Variants in ZDHHC3 observed in about 807,000 individuals in gnomAD.
ZDHHC3 encodes the protein zDHHC palmitoyltransferase 3.
In ZDHHC3, 9 loss-of-function variants were observed where a neutral mutation model predicts 30.6. That is an observed-to-expected ratio of 0.29 (90% confidence interval 0.18 to 0.51). The LOEUF (loss-of-function observed/expected upper bound fraction) is 0.51, where lower values mean the gene tolerates loss of function less well. Ranked by LOEUF, ZDHHC3 falls within the 20% of genes least tolerant of loss-of-function variation. The pLI is 0.97. For synonymous variants in ZDHHC3, 136 were observed against 140.2 expected (o/e 0.97, Z 0.21); for missense variants, 246 against 384.2 (o/e 0.64, Z 3.01).
At chr3:44,960,548 GAC>G (rs1428129433) in intron 1 of ZDHHC3, among the ~76,000 whole-genome samples, 1 of 152,226 alleles carries the variant, frequency 6.6e-6, no homozygotes, top group Non-Finnish European at 1.5e-5. Flanking sequence ...TGTGCTGCAA[GAC>G]ACAGAAAGCA....
At chr3:44,957,371 C>A (rs1261641697) in intron 2 of ZDHHC3, among the ~76,000 whole-genome samples, 2 of 152,246 alleles carry the variant, frequency 1.3e-5, no homozygotes, top group Non-Finnish European at 2.9e-5. Context: ...AATGGGCACT[C>A]AGGAAACATG....
intron 1 of ZDHHC3, among the ~76,000 whole-genome samples, chr3:44,970,652 C>A (rs765188148): frequency 2.8e-4 from 42 of 152,144 alleles, no homozygotes; most frequent in Non-Finnish European, 4.9e-4. Context: ...TGCTAATATT[C>A]AAAAAGAAGC....
At position 44,924,468 on chromosome 3, in the gene ZDHHC3, GCAGA is replaced by G; in HGVS notation, c.*2217_*2220del. On this transcript the variant is annotated 3_prime_UTR_variant, in exon 7 of 7. Coordinates refer to ENST00000424952, the MANE Select transcript of ZDHHC3 (RefSeq NM_001135179.2). ...AGCCAAGGCCTATACAAAACCAGAGGCAGAATCCTATAGGATATCTGAAGGAACC... is the reference window on the plus strand; with the variant it reads ...AGCCAAGGCCTATACAAAACCAGAGGATCCTATAGGATATCTGAAGGAACC... 1 of 985,428 alleles carries G rather than the reference GCAGA, an allele frequency of 1.0e-6. No homozygotes were observed. The highest frequency in any genetic ancestry group is 1.2e-6 in the Non-Finnish European group (1 of 829,934). 61.0% of individuals were successfully genotyped at this position (985,428 alleles called of 1,614,324 possible).
rs1003546569 is a variant in ZDHHC3 at position 44,920,191 on chromosome 3, C to A, written c.*6498G>T. The stretch of plus-strand genomic sequence containing the variant: ...TCTTGTTGACACAAGTCTAAAGGGA[C>A]CTTCATGTGGGTCATGAGCATGTGA... On this transcript the variant is annotated 3_prime_UTR_variant, in exon 7 of 7. Coordinates refer to ENST00000424952, the MANE Select transcript of ZDHHC3 (RefSeq NM_001135179.2). 7 of 1,288,882 alleles carry A rather than the reference C, an allele frequency of 5.4e-6. No homozygotes were observed. Among genetic ancestry groups the A allele is most frequent in the South Asian group, 1.2e-5 (1 of 81,000 alleles). 79.8% of individuals were successfully genotyped at this position (1,288,882 alleles called of 1,614,324 possible). A position where few individuals can be genotyped will look rare whatever the true frequency, so the allele number is the denominator to read the frequency against.
rs1215973969 is a variant in ZDHHC3, at chr3:44,923,991, A to C, written c.*2698T>G. ...ATTCAGTCTAGTTGCTATGAACACA[A>C]ACCTGACAGAGTTGACAGAAGGAAA... On this transcript the variant is annotated 3_prime_UTR_variant, in exon 7 of 7. Coordinates refer to ENST00000424952, the MANE Select transcript of ZDHHC3 (RefSeq NM_001135179.2). 1.8e-5 allele frequency: 18 copies of C among 985,328 alleles called. No individual in the cohort carries two copies. The highest frequency in any genetic ancestry group is 2.0e-5 in the Non-Finnish European group (17 of 829,938). 61.0% of individuals were successfully genotyped at this position (985,328 alleles called of 1,614,324 possible).
chr3:44,917,260 T>C lies in ZDHHC3; in HGVS notation c.*9429A>G, dbSNP rs1298316537. On this transcript the variant is annotated 3_prime_UTR_variant, in exon 7 of 7. Transcript: ENST00000424952. ...CTGCACATGTGTGTGTAGAGCTTAA[T>C]GCAGGGTCCTCTTTGAACCATGCCT... The C allele has an allele frequency of 6.4e-6, 1 of 157,400 alleles. No individual in the cohort carries two copies. The highest frequency in any genetic ancestry group is 1.4e-5 in the Non-Finnish European group (1 of 70,824). The allele number at this position is 157,400 out of a possible 1,614,324, so 9.8% of individuals were successfully genotyped here.
intron 2 of ZDHHC3, among the ~76,000 whole-genome samples, chr3:44,956,289 T>A (rs1334755189): frequency 6.6e-6 from 1 of 152,210 alleles, no homozygotes; most frequent in African/African-American, 2.4e-5. Context: ...TGATCCTCCA[T>A]CAGCTCCAGA....
At chr3:44,933,430 A>T in intron 4 of ZDHHC3, 1 of 592,516 alleles carries the variant, frequency 1.7e-6, no homozygotes, top group South Asian at 2.1e-5. Context: ...AACAGAAGCA[A>T]GCCCGTCACC....
chr3:44,920,305 T>C lies in ZDHHC3; in HGVS notation c.*6384A>G, dbSNP rs1333889138. On this transcript the variant is annotated 3_prime_UTR_variant, in exon 7 of 7. Transcript: ENST00000424952. ...AGCTGAGATGGTTTGCTTTGGGCAT[T>C]CTGCATTCTCTTCCTGGGTGATCAT... 1.2e-5 allele frequency: 15 copies of C among 1,289,796 alleles called. No individual in the cohort carries two copies. The South Asian group carries it at 1.9e-4, about 16-fold the overall frequency. 79.9% of individuals were successfully genotyped at this position (1,289,796 alleles called of 1,614,324 possible).
In ZDHHC3 at chr3:44,921,362, TA is replaced by T; in HGVS notation, c.*5326del. On this transcript the variant is annotated 3_prime_UTR_variant, in exon 7 of 7. Coordinates refer to ENST00000424952, the MANE Select transcript of ZDHHC3 (RefSeq NM_001135179.2). ...CAGCCTATGCAAATGTGTCTCTTCA[TA>T]GCGGGCCAGATAACACTGTCTCTCC... The T allele has an allele frequency of 3.3e-6, 2 of 601,522 alleles. No individual in the cohort carries two copies. The highest frequency in any genetic ancestry group is 4.0e-6 in the Non-Finnish European group (2 of 503,456). 37.3% of individuals were successfully genotyped at this position (601,522 alleles called of 1,614,324 possible). A position where few individuals can be genotyped will look rare whatever the true frequency, so the allele number is the denominator to read the frequency against.
At chr3:44,945,066 CCT>C (rs1702795173) in intron 3 of ZDHHC3, 100 bp downstream of exon 3, 2 of 1,542,176 alleles carry the variant, frequency 1.3e-6, no homozygotes, top group Non-Finnish European at 1.8e-6. Flanking sequence ...TGACTTGGCC[CCT>C]GTTGGGGAAG....
Position 44,916,373 on chromosome 3 carries a change from T to C in ZDHHC3, c.*10316A>G, listed in dbSNP as rs1161022881. On this transcript the variant is annotated 3_prime_UTR_variant, in exon 7 of 7. Coordinates refer to ENST00000424952, the MANE Select transcript of ZDHHC3 (RefSeq NM_001135179.2). ...AAGAACCAGGATGCTGCTTGGCTCT[T>C]TTCTTTCTCACGGTCGCCAGTTTCC... 6.6e-6 allele frequency: 1 copy of C among 152,224 alleles called. No homozygotes were observed. Among genetic ancestry groups the C allele is most frequent in the African/African-American group, 2.4e-5 (1 of 41,434 alleles). The allele number at this position is 152,224 out of a possible 1,614,324, so 9.4% of individuals were successfully genotyped here. A position where few individuals can be genotyped will look rare whatever the true frequency, so the allele number is the denominator to read the frequency against.
chr3:44,927,562 T>C (rs1367438339), intron 6 of ZDHHC3, among the ~76,000 whole-genome samples: 1 of 152,192 alleles, frequency 6.6e-6, no homozygotes, highest in African/African-American at 2.4e-5. Flanking sequence ...CCAGCCAGCA[T>C]GGCATGGCAA....
At position 44,918,899 on chromosome 3, in the gene ZDHHC3, CCCA is replaced by C; in HGVS notation, c.*7787_*7789del. ...GACATGGCCAGGCCAGCTCTCCAGG[CCCA>C]CAACACCCTGCACAGAGGCCTTTGA... On this transcript the variant is annotated 3_prime_UTR_variant, in exon 7 of 7. Transcript: ENST00000424952. 1.0e-6 allele frequency: 1 copy of C among 986,014 alleles called. No homozygotes were observed. Among genetic ancestry groups the C allele is most frequent in the Non-Finnish European group, 1.2e-6 (1 of 830,404 alleles). 61.1% of individuals were successfully genotyped at this position (986,014 alleles called of 1,614,324 possible).
Position 44,917,269 on chromosome 3 carries a change from C to CGCCGTA in ZDHHC3, c.*9419_*9420insTACGGC. On this transcript the variant is annotated 3_prime_UTR_variant, in exon 7 of 7. Coordinates refer to ENST00000424952, the MANE Select transcript of ZDHHC3 (RefSeq NM_001135179.2). ...TGTGTGTAGAGCTTAATGCAGGGTC[C>CGCCGTA]TCTTTGAACCATGCCTGGCCCTTGC... 1 of 155,692 alleles carries CGCCGTA rather than the reference C, an allele frequency of 6.4e-6. No individual in the cohort carries two copies. The highest frequency in any genetic ancestry group is 1.4e-5 in the Non-Finnish European group (1 of 69,922). The allele number at this position is 155,692 out of a possible 1,614,324, so 9.6% of individuals were successfully genotyped here.
In ZDHHC3 at chr3:44,917,990, C is replaced by T; in HGVS notation, c.*8699G>A. On this transcript the variant is annotated 3_prime_UTR_variant, in exon 7 of 7. Transcript: ENST00000424952. ...TCTGACAGCGATGTCACCTGCCGCA[C>T]CATGTCTTTGTCACTGGGGATCTCT... 4 of 1,305,470 alleles carry T rather than the reference C, an allele frequency of 3.1e-6. No homozygotes were observed. Among genetic ancestry groups the T allele is most frequent in the Non-Finnish European group, 4.0e-6 (4 of 988,974 alleles). 80.9% of individuals were successfully genotyped at this position (1,305,470 alleles called of 1,614,324 possible). A position where few individuals can be genotyped will look rare whatever the true frequency, so the allele number is the denominator to read the frequency against.
Position 44,918,632 on chromosome 3 carries a change from A to C in ZDHHC3, c.*8057T>G. On this transcript the variant is annotated 3_prime_UTR_variant, in exon 7 of 7. Coordinates refer to ENST00000424952, the MANE Select transcript of ZDHHC3 (RefSeq NM_001135179.2). Reference sequence around the variant, plus strand: ...GGGTTAAGGAAGGAGTGCAGGACACAAACAGCATGCGAGGTGAAGAAGCGG... The same window carrying C: ...GGGTTAAGGAAGGAGTGCAGGACACCAACAGCATGCGAGGTGAAGAAGCGG... 1.0e-6 allele frequency: 1 copy of C among 985,472 alleles called. No individual in the cohort carries two copies. Among genetic ancestry groups the C allele is most frequent in the African/African-American group, 1.7e-5 (1 of 57,378 alleles). 61.0% of individuals were successfully genotyped at this position (985,472 alleles called of 1,614,324 possible). A position where few individuals can be genotyped will look rare whatever the true frequency, so the allele number is the denominator to read the frequency against.
chr3:44,966,947 G>C (rs1371651254), intron 1 of ZDHHC3, among the ~76,000 whole-genome samples: 1 of 152,218 alleles, frequency 6.6e-6, no homozygotes, highest in African/African-American at 2.4e-5. Context: ...GCCAAGGAAA[G>C]TGTCCAGACA....
rs551507802 is a variant in ZDHHC3 at position 44,926,382 on chromosome 3, G to A, written c.*307C>T. On this transcript the variant is annotated 3_prime_UTR_variant, in exon 7 of 7. Transcript: ENST00000424952. ...TCAGTTAGTAGAATGGGCACAGCGCGAGACAGCGCCCTCTACATTAGTCAT... is the reference window on the plus strand; with the variant it reads ...TCAGTTAGTAGAATGGGCACAGCGCAAGACAGCGCCCTCTACATTAGTCAT... The A allele has an allele frequency of 4.6e-6, 5 of 1,085,738 alleles. No individual in the cohort carries two copies. In the East Asian group the frequency reaches 1.8e-4, roughly 40 times the overall value. 67.3% of individuals were successfully genotyped at this position (1,085,738 alleles called of 1,614,324 possible).
Sources: allele counts gnomAD v4.1 joint callset (sites outside exome capture counted in the v4.1 genomes callset), GRCh38; gene constraint gnomAD v4.1.1; transcripts MANE v1.5; gene names NCBI Gene and HGNC (gene_info 2026-07-23, HGNC 2026-07-21).